The following LYPLA1 variants were observed in gnomAD, a reference collection of about 807,000 sequenced individuals.
The protein encoded by LYPLA1 is lysophospholipase 1.
Under a neutral mutation model 34.0 loss-of-function variants are expected in LYPLA1, and 17 were observed. The ratio of observed to expected loss-of-function variants is 0.50; its 90% CI spans 0.34 to 0.75. The LOEUF is 0.75. Among genes scored for constraint, LYPLA1 ranks in the 30% least tolerant of loss-of-function variants. The pLI, the probability that LYPLA1 is intolerant of heterozygous loss-of-function variation, is 0.01. For synonymous variants in LYPLA1, 98 were observed against 100.8 expected (o/e 0.97, Z 0.17); for missense variants, 203 against 288.8 (o/e 0.70, Z 2.15).
intron 2 of LYPLA1, among the ~76,000 whole-genome samples, chr8:54,077,146 T>A (rs7003793): frequency 0.13 from 20,079 of 151,846 alleles, 3,530 homozygotes; most frequent in African/African-American, 0.41. Context: ...ACACCATGAA[T>A]TGTTATGCAG....
chr8:54,055,508 T>C (rs1163534691), intron 5 of LYPLA1, among the ~76,000 whole-genome samples: 1 of 152,086 alleles, frequency 6.6e-6, no homozygotes, highest in Non-Finnish European at 1.5e-5. Context: ...ATATTGATTG[T>C]TATTGTTCAT....
intron 2 of LYPLA1, among the ~76,000 whole-genome samples, chr8:54,089,987 C>A (rs894887218): frequency 6.6e-6 from 1 of 152,192 alleles, no homozygotes; most frequent in African/African-American, 2.4e-5. Context: ...CCAGGTTGGA[C>A]TGCCAGAACG....
rs1563557114 is a variant in LYPLA1, at chr8:54,051,002, A to G, written c.639+10T>C. Reference sequence around the variant, plus strand: ...AAATATGGCGCTGATCACTGCTTCTAGACACCTACCTGTTGACACGAACTG... The same window carrying G: ...AAATATGGCGCTGATCACTGCTTCTGGACACCTACCTGTTGACACGAACTG... On this transcript the variant is annotated intron_variant, in intron 8 of 8. Coordinates refer to ENST00000316963, the MANE Select transcript of LYPLA1 (RefSeq NM_006330.4). 6.3e-7 allele frequency: 1 copy of G among 1,594,460 alleles called. No homozygotes were observed.
At position 54,046,687 on chromosome 8, in the gene LYPLA1, CA is replaced by C. The variant is rs1805508433; in HGVS notation, c.*1377del. ...GATGCATTCTTAATATTGTTTTGGTCAGCTGGAATACAGCAGAAAAATTAAC... is the reference window on the plus strand; with the variant it reads ...GATGCATTCTTAATATTGTTTTGGTCGCTGGAATACAGCAGAAAAATTAAC... On this transcript the variant is annotated 3_prime_UTR_variant, in exon 9 of 9. Coordinates refer to ENST00000316963, the MANE Select transcript of LYPLA1 (RefSeq NM_006330.4). The C allele has an allele frequency of 2.0e-5, 3 of 152,428 alleles. No individual in the cohort carries two copies. Among genetic ancestry groups the C allele is most frequent in the African/African-American group, 7.2e-5 (3 of 41,416 alleles). 9.4% of individuals were successfully genotyped at this position (152,428 alleles called of 1,614,324 possible).
chr8:54,055,211 A>G (rs1563568730), intron 5 of LYPLA1, 78 bp from the exon 6 acceptor site: 2 of 792,450 alleles, frequency 2.5e-6, no homozygotes, highest in East Asian at 5.3e-5. Context: ...GGAAAAAATT[A>G]GTAATAGAAA....
chr8:54,096,706 A>G (rs922669179), intron 2 of LYPLA1, among the ~76,000 whole-genome samples: 2 of 151,264 alleles, frequency 1.3e-5, no homozygotes, highest in East Asian at 1.9e-4. Context: ...TCACGCCACT[A>G]CACTCCAGCC....
chr8:54,097,858 A>G (rs992105119), intron 2 of LYPLA1, among the ~76,000 whole-genome samples: 1 of 152,278 alleles, frequency 6.6e-6, no homozygotes, highest in Non-Finnish European at 1.5e-5. Flanking sequence ...TAAAACAATT[A>G]TAACAATATG....
chr8:54,059,759 A>T (rs954469532), intron 5 of LYPLA1, among the ~76,000 whole-genome samples: 1 of 152,140 alleles, frequency 6.6e-6, no homozygotes, highest in African/African-American at 2.4e-5. Context: ...CATCTCTACA[A>T]AACAGTTTAA....
chr8:54,084,712 G>GACT (rs1387735539), intron 2 of LYPLA1, among the ~76,000 whole-genome samples: 5 of 152,112 alleles, frequency 3.3e-5, no homozygotes, highest in Admixed American at 2.6e-4. Context: ...ACAAAGAACA[G>GACT]ACTACTACTA....
At chr8:54,084,633 A>G (rs1208145009) in intron 2 of LYPLA1, among the ~76,000 whole-genome samples, 1 of 152,192 alleles carries the variant, frequency 6.6e-6, no homozygotes, top group Non-Finnish European at 1.5e-5. Context: ...ATCAACAAAA[A>G]TGGCAAACCT....
intron 2 of LYPLA1, chr8:54,073,365 T>C (rs544645578): frequency 2.5e-6 from 2 of 800,168 alleles, no homozygotes; most frequent in South Asian, 1.3e-5. Context: ...CTGTGCCCCA[T>C]GACACCTGGC....
In LYPLA1 at chr8:54,090,563, C is replaced by T. The variant is rs181900860; in HGVS notation, c.101+10345G>A. On this transcript the variant is annotated intron_variant, in intron 2 of 8. Transcript: ENST00000316963. ...CCTCATAATCAAATGACCCTAAATC[C>T]CTCACTAACCTACCCCCGCCCTCAC... Among the ~76,000 whole-genome samples, 54 of 152,238 alleles carry T rather than the reference C, an allele frequency of 3.5e-4. 2 individuals carry two copies. Among genetic ancestry groups the T allele is most frequent in the Admixed American group, 2.2e-3 (34 of 15,294 alleles).
intron 2 of LYPLA1, among the ~76,000 whole-genome samples, chr8:54,093,445 G>A (rs953821278): frequency 3.9e-5 from 6 of 152,308 alleles, no homozygotes; most frequent in Middle Eastern, 3.4e-3. Flanking sequence ...TGGGGGTATG[G>A]TGCCTGAGGC....
rs760476706 is a variant in LYPLA1 at position 54,084,141 on chromosome 8, A to AATATAT, written c.101+16761_101+16766dup. Among the ~76,000 whole-genome samples the AATATAT allele has an allele frequency of 3.5e-3, 420 of 118,602 alleles. 16 individuals are homozygous for AATATAT. Among genetic ancestry groups the AATATAT allele is most frequent in the African/African-American group, 0.012 (270 of 21,638 alleles). The allele number at this position is 118,602 out of a possible 152,430, so 77.8% of individuals were successfully genotyped here. Reference sequence around the variant, plus strand: ...AGACCAAAGAAAAAAAAAATAAATAAATATATATATATATATATATATAAA... The same window carrying AATATAT: ...AGACCAAAGAAAAAAAAAATAAATAAATATATATATATATATATATATATATATAAA... On this transcript the variant is annotated intron_variant, in intron 2 of 8. Transcript: ENST00000316963.
downstream of LYPLA1, among the ~76,000 whole-genome samples, chr8:54,045,804 T>C (rs1402207804): frequency 6.6e-6 from 1 of 152,220 alleles, no homozygotes; most frequent in Non-Finnish European, 1.5e-5. Flanking sequence ...CTCACGCCTA[T>C]AATCCCAGCA....
chr8:54,063,781 A>T (rs1209872331), intron 3 of LYPLA1, among the ~76,000 whole-genome samples: 1 of 152,228 alleles, frequency 6.6e-6, no homozygotes, highest in Non-Finnish European at 1.5e-5. Context: ...TGCTCAGATT[A>T]CACTTTTCCT....
chr8:54,093,171 A>G (rs1200524839), intron 2 of LYPLA1, among the ~76,000 whole-genome samples: 1 of 152,244 alleles, frequency 6.6e-6, no homozygotes, highest in East Asian at 1.9e-4. Flanking sequence ...GCAAATCTAC[A>G]GAAAGAAGCA....
intron 2 of LYPLA1, among the ~76,000 whole-genome samples, chr8:54,074,203 G>A (rs908497710): frequency 8.5e-5 from 13 of 152,216 alleles, no homozygotes; most frequent in African/African-American, 3.1e-4. Context: ...GAACCCGGGA[G>A]GCAGAGCTTG....
At chr8:54,080,387 T>A (rs1406303222) in intron 2 of LYPLA1, among the ~76,000 whole-genome samples, 1 of 152,124 alleles carries the variant, frequency 6.6e-6, no homozygotes, top group East Asian at 1.9e-4. Context: ...TTCCACCTAT[T>A]TATTAGAGTC....
Sources: gnomAD v4.1 joint callset for allele counts (sites outside exome capture counted in the v4.1 genomes callset) on GRCh38, gnomAD v4.1.1 for gene constraint, MANE v1.5 for transcripts, NCBI Gene and HGNC (gene_info 2026-07-23, HGNC 2026-07-21) for gene names.